Variants in LARGE1 observed in about 807,000 individuals in gnomAD.
LARGE1 encodes xylosyl- and glucuronyltransferase LARGE1.
In LARGE1, 43 loss-of-function variants were observed where a neutral mutation model predicts 87.6. That is an observed-to-expected ratio of 0.49 (90% confidence interval 0.38 to 0.63). The LOEUF (loss-of-function observed/expected upper bound fraction) is 0.63. Among genes scored for constraint, LARGE1 ranks in the 30% least tolerant of loss-of-function variants. The pLI, the probability that LARGE1 is intolerant of heterozygous loss-of-function variation, is 0.00. For synonymous variants in LARGE1, 434 were observed against 394.6 expected, an observed-to-expected ratio of 1.10 and a Z score of -1.18; for missense variants, 802 against 1,000.2, an observed-to-expected ratio of 0.80 and a Z score of 2.67.
At chr22:33,312,795 A>G (rs571414610) in intron 11 of LARGE1, among the ~76,000 whole-genome samples, 2 of 152,302 alleles carry the variant, frequency 1.3e-5, no homozygotes, top group African/African-American at 2.4e-5. Flanking sequence ...AAAGAGACCA[A>G]TCTAGACCAT....
intron 6 of LARGE1, among the ~76,000 whole-genome samples, chr22:33,498,463 C>G (rs549035715): frequency 6.6e-6 from 1 of 152,144 alleles, no homozygotes; most frequent in African/African-American, 2.4e-5. Context: ...CATATATTAA[C>G]GATGCTGCTA....
intron 1 of LARGE1, among the ~76,000 whole-genome samples, chr22:33,792,202 G>A (rs540309971): frequency 2.0e-5 from 3 of 152,184 alleles, no homozygotes; most frequent in Non-Finnish European, 4.4e-5. Flanking sequence ...ATCTTGAACT[G>A]TAGTTCCCAT....
chr22:33,697,327 T>A (rs1478746371), intron 2 of LARGE1, among the ~76,000 whole-genome samples: 2 of 152,030 alleles, frequency 1.3e-5, no homozygotes, highest in African/African-American at 4.8e-5. Context: ...TTAACCACAG[T>A]TTCCTTGGTG....
chr22:33,237,844 T>C (rs989971928), intron 11 of LARGE1, among the ~76,000 whole-genome samples: 1 of 152,154 alleles, frequency 6.6e-6, no homozygotes, highest in Non-Finnish European at 1.5e-5. Flanking sequence ...CCAGATGAGA[T>C]AGCATGGTCC....
At chr22:33,072,776 C>T in the LARGE1 span, among the ~76,000 whole-genome samples, 3 of 152,114 alleles carry the variant, frequency 2.0e-5, no homozygotes, top group Non-Finnish European at 4.4e-5. Flanking sequence ...AGTCTAAATC[C>T]AAACTCAGTG....
intron 11 of LARGE1, among the ~76,000 whole-genome samples, chr22:33,240,558 ACT>A (rs2145684665): frequency 6.6e-6 from 1 of 152,108 alleles, no homozygotes; most frequent in Non-Finnish European, 1.5e-5. Context: ...TGTCAATAAC[ACT>A]CTGTCTTGAT....
intron 1 of LARGE1, among the ~76,000 whole-genome samples, chr22:33,792,227 A>G (rs750358342): frequency 7.9e-5 from 12 of 152,178 alleles, no homozygotes; most frequent in Non-Finnish European, 1.6e-4. Context: ...CCCACATGTC[A>G]TGGGAGGGAC....
chr22:33,569,079 C>G (rs2078116812), intron 5 of LARGE1, among the ~76,000 whole-genome samples: 1 of 152,208 alleles, frequency 6.6e-6, no homozygotes, highest in Non-Finnish European at 1.5e-5. Flanking sequence ...CTCCCATGTG[C>G]TTTATAAACA....
chr22:33,284,455 T>TC (rs1384032659), intron 12 of LARGE1, among the ~76,000 whole-genome samples: 3 of 152,148 alleles, frequency 2.0e-5, no homozygotes, highest in Non-Finnish European at 4.4e-5. Context: ...ACTCTGCTCC[T>TC]CCGAGACCCG....
Position 33,183,622 on chromosome 22 carries a change from A to G in LARGE1, c.1731-16790T>C, listed in dbSNP as rs760114790. Among the ~76,000 whole-genome samples, 183 of 92,752 alleles carry G rather than the reference A, an allele frequency of 2.0e-3. 1 individual carries two copies. The highest frequency in any genetic ancestry group is 8.6e-3 in the South Asian group (23 of 2,668). 60.8% of individuals were successfully genotyped at this position (92,752 alleles called of 152,430 possible). On this transcript the variant is annotated intron_variant, in intron 11 of 11. Coordinates refer to the LARGE1 transcript ENST00000608642. The stretch of plus-strand genomic sequence containing the variant: ...ATAAAACACACACACACACACACGC[A>G]CACACACACACACACACACACACAC...
At chr22:33,372,882 C>T (rs550186716) in intron 9 of LARGE1, among the ~76,000 whole-genome samples, 25 of 152,060 alleles carry the variant, frequency 1.6e-4, no homozygotes, top group Non-Finnish European at 2.4e-4. Flanking sequence ...ACAAGACAGA[C>T]AGGAATCCAT....
At position 33,517,309 on chromosome 22, in the gene LARGE1, C is replaced by A. The variant is rs79958644; in HGVS notation, c.787+47539G>T. Among the ~76,000 whole-genome samples the A allele has an allele frequency of 3.0e-3, 464 of 152,256 alleles. 4 individuals are homozygous for A. The highest frequency in any genetic ancestry group is 0.019 in the South Asian group (89 of 4,804). The stretch of plus-strand genomic sequence containing the variant: ...CTGTCCCATCATCACCCAACAAGTA[C>A]TAAAGACGCACTCTAACCTCTAGGA... On this transcript the variant is annotated intron_variant, in intron 6 of 14. Transcript: ENST00000397394.
the LARGE1 span, among the ~76,000 whole-genome samples, chr22:33,100,229 C>A: frequency 1.4e-4 from 21 of 151,318 alleles, no homozygotes; most frequent in East Asian, 3.9e-4. Flanking sequence ...ATGCCTGTAA[C>A]CCCAGCTACT....
chr22:33,289,103 T>C (rs1003651338), intron 12 of LARGE1, among the ~76,000 whole-genome samples: 5 of 151,746 alleles, frequency 3.3e-5, no homozygotes, highest in African/African-American at 1.2e-4. Context: ...GGACTACAGG[T>C]GCCCGCCACC....
At chr22:33,085,222 G>C in the LARGE1 span, among the ~76,000 whole-genome samples, 2 of 152,254 alleles carry the variant, frequency 1.3e-5, no homozygotes, top group Non-Finnish European at 2.9e-5. Context: ...ATTGCAGTGA[G>C]CCGAGATCGC....
At chr22:33,791,884 T>A (rs2145989945) in intron 1 of LARGE1, among the ~76,000 whole-genome samples, 1 of 152,322 alleles carries the variant, frequency 6.6e-6, no homozygotes, top group East Asian at 1.9e-4. Flanking sequence ...AAGAAATTTT[T>A]ATGTGTCTTA....
the LARGE1 span, among the ~76,000 whole-genome samples, chr22:33,142,797 T>G: frequency 6.6e-6 from 1 of 152,206 alleles, no homozygotes; most frequent in African/African-American, 2.4e-5. Flanking sequence ...TCACCCTCAA[T>G]TAATTCAATT....
rs980599853 is a variant in LARGE1, at chr22:33,539,274, T to C, written c.787+25574A>G. Among the ~76,000 whole-genome samples the C allele has an allele frequency of 3.3e-5, 5 of 149,410 alleles. No individual in the cohort carries two copies. The East Asian group carries it at 9.7e-4, about 29-fold the overall frequency. On this transcript the variant is annotated intron_variant, in intron 6 of 14. Coordinates refer to ENST00000397394, the MANE Select transcript of LARGE1 (RefSeq NM_133642.5). ...ATTAAAAGAAAAAAAAAAAGGCAAG[T>C]CCTGGTAACAGAATCCTGCCAGCTC...
At chr22:33,782,034 T>C (rs959382860) in intron 1 of LARGE1, among the ~76,000 whole-genome samples, 1 of 152,046 alleles carries the variant, frequency 6.6e-6, no homozygotes, top group Non-Finnish European at 1.5e-5. Flanking sequence ...TCTAATACAA[T>C]GTAAATTATC....
Sources: gnomAD v4.1 joint callset for allele counts (sites outside exome capture counted in the v4.1 genomes callset) on GRCh38, gnomAD v4.1.1 for gene constraint, MANE v1.5 for transcripts, NCBI Gene and HGNC (gene_info 2026-07-23, HGNC 2026-07-21) for gene names.